Variants in PKD1L3 observed in about 807,000 individuals in gnomAD.
PKD1L3 encodes polycystin-1-like protein 3.
Under a neutral mutation model 184.1 loss-of-function variants are expected in PKD1L3, and 239 were observed. That is an observed-to-expected ratio of 1.30 (90% CI 1.17 to 1.45). The LOEUF is 1.45. Among genes scored for constraint, PKD1L3 ranks in the 40% most tolerant of loss-of-function variants. The pLI, the probability that PKD1L3 is intolerant of heterozygous loss-of-function variation, is 0.00. For missense variants in PKD1L3, 2,660 were observed against 2,067.2 expected (o/e 1.29, Z -5.56); for synonymous variants, 996 against 778.8 (o/e 1.28, Z -4.64).
At chr16:71,954,041 C>T in intron 17 of PKD1L3, 64 bp downstream of exon 17, 2 of 1,335,278 alleles carry the variant, frequency 1.5e-6, no homozygotes. Flanking sequence ...CAGAGCAAGA[C>T]CCTGTCTCAA....
rs2143889554 is a variant in PKD1L3, at chr16:71,995,250, G to T, written c.419-1918C>A. 1.4e-5 allele frequency among the ~76,000 whole-genome samples: 2 copies of T among 146,920 alleles called. 1 individual carries two copies. The highest frequency in any genetic ancestry group is 4.2e-4 in the South Asian group (2 of 4,746). ...GCCCCTAATCCCATTCACAAGGGAG[G>T]AGCCCTGTAGGCCAACCCACCTCTT... On this transcript the variant is annotated intron_variant, in intron 2 of 29. Transcript: ENST00000620267.
chr16:71,938,858 AC>A (rs2038268782), intron 24 of PKD1L3, among the ~76,000 whole-genome samples: 1 of 152,194 alleles, frequency 6.6e-6, no homozygotes, highest in Non-Finnish European at 1.5e-5. Context: ...TTGTCAGTGT[AC>A]CTCATTCTTC....
intron 6 of PKD1L3, 33 bp downstream of exon 6, chr16:71,984,003 T>C (rs1454020802): frequency 1.9e-6 from 3 of 1,549,450 alleles, no homozygotes; most frequent in African/African-American, 2.7e-5. Flanking sequence ...CCCTCTCTCC[T>C]ACCTTCTTCC....
rs766138456 is a variant in PKD1L3, at chr16:71,999,965, C to G, written c.14G>C (p.Gly5Ala). MFFK[G>A]GSWLWLYIRT... ...GATGTATAACCAAAGCCAGCTTCCT[C>G]CTTTGAAGAACATTTTCTCTGAATT... is the stretch of plus-strand genomic sequence containing the variant. Residue 5 changes from glycine (G) to alanine (A), a missense_variant, in exon 1 of 30, where the codon GGA (glycine) becomes GCA (alanine). Coordinates refer to ENST00000620267, the MANE Select transcript of PKD1L3 (RefSeq NM_181536.2). 6.6e-7 allele frequency: 1 copy of G among 1,520,478 alleles called. No homozygotes were observed. Among genetic ancestry groups the G allele is most frequent in the Non-Finnish European group, 8.9e-7 (1 of 1,126,238 alleles). The allele number at this position is 1,520,478 out of a possible 1,614,324, so 94.2% of individuals were successfully genotyped here. A position where few individuals can be genotyped will look rare whatever the true frequency, so the allele number is the denominator to read the frequency against.
chr16:71,975,808 C>A (rs1393841568), intron 11 of PKD1L3, among the ~76,000 whole-genome samples: 1 of 152,174 alleles, frequency 6.6e-6, no homozygotes, highest in Non-Finnish European at 1.5e-5. Flanking sequence ...TCAATACACA[C>A]ACATACAGAA....
chr16:71,997,536 G>C lies in PKD1L3; in HGVS notation c.418+736C>G, dbSNP rs374894513. 1.8e-4 allele frequency among the ~76,000 whole-genome samples: 28 copies of C among 152,136 alleles called. 1 individual carries two copies. Among genetic ancestry groups the C allele is most frequent in the Admixed American group, 1.0e-3 (16 of 15,276 alleles). ...GGCCAAGGCAGGCGGATCATCTGAG[G>C]TTGGGAGTTCGAGACTGGCCTGACC... On this transcript the variant is annotated intron_variant, in intron 2 of 29. Coordinates refer to ENST00000620267, the MANE Select transcript of PKD1L3 (RefSeq NM_181536.2).
chr16:71,930,206 T>TG (rs1489924213), intron 28 of PKD1L3, 23 bp from the exon 29 acceptor site: 1 of 1,524,824 alleles, frequency 6.6e-7, no homozygotes, highest in Admixed American at 2.3e-5. Flanking sequence ...TAAGAACACT[T>TG]GCAGTGACTG....
At chr16:71,930,229 A>ATACTT in intron 28 of PKD1L3, 46 bp from the exon 29 acceptor site, 3 of 1,497,536 alleles carry the variant, frequency 2.0e-6, no homozygotes, top group South Asian at 2.6e-5. Context: ...AATTTAGTTT[A>ATACTT]TACTTTACAA....
chr16:71,967,342 T>C (rs1403606946), intron 14 of PKD1L3, 27 bp from the exon 15 acceptor site: 12 of 1,531,072 alleles, frequency 7.8e-6, no homozygotes, highest in Non-Finnish European at 8.8e-6. Context: ...AAAGATAAAA[T>C]ATAAGGAATT....
chr16:71,930,064 T>C lies in PKD1L3; in HGVS notation c.5046A>G (p.Arg1682=), dbSNP rs570578939. 6.5e-7 allele frequency: 1 copy of C among 1,548,890 alleles called. No individual in the cohort carries two copies. The highest frequency in any genetic ancestry group is 8.7e-7 in the Non-Finnish European group (1 of 1,146,046). ...SAILMAFGKE[R]KSLKKEAALI... ...TTTAGTTACCTACCTTAAGCGACTT[T>C]CTTTCTTTTCCAAAGGCCATGAGAA... Residue 1682 remains arginine, a synonymous_variant, in exon 29 of 30, where the codon AGA becomes AGG. Transcript: ENST00000620267.
At chr16:71,945,135 A>G (rs1381092775) in intron 22 of PKD1L3, among the ~76,000 whole-genome samples, 1 of 148,656 alleles carries the variant, frequency 6.7e-6, no homozygotes, top group Non-Finnish European at 1.5e-5. Flanking sequence ...AAACTGTTCT[A>G]GTCAGTGGAT....
intron 21 of PKD1L3, among the ~76,000 whole-genome samples, chr16:71,948,282 C>T (rs2038696671): frequency 6.6e-6 from 1 of 152,126 alleles, no homozygotes; most frequent in Non-Finnish European, 1.5e-5. Context: ...ACGGTTTCGC[C>T]ATGTTGGCCA....
intron 4 of PKD1L3, 147 bp from the exon 5 acceptor site, chr16:71,986,616 A>C: frequency 1.1e-6 from 1 of 897,712 alleles, no homozygotes; most frequent in Non-Finnish European, 1.6e-6. Flanking sequence ...GCTCAAACAG[A>C]ATTTTGAAAT....
At chr16:71,976,851 T>G (rs936732686) in intron 11 of PKD1L3, among the ~76,000 whole-genome samples, 1 of 152,052 alleles carries the variant, frequency 6.6e-6, no homozygotes, top group African/African-American at 2.4e-5. Flanking sequence ...CAGGACATTT[T>G]CCTGCCTCAG....
chr16:71,944,608 A>T (rs1267029080), intron 22 of PKD1L3, among the ~76,000 whole-genome samples: 3 of 152,134 alleles, frequency 2.0e-5, no homozygotes, highest in Non-Finnish European at 4.4e-5. Flanking sequence ...GATTAAGCCC[A>T]GGAGTTTGAT....
At chr16:71,954,330 C>T in intron 16 of PKD1L3, 29 bp from the exon 17 acceptor site, 2 of 1,463,560 alleles carry the variant, frequency 1.4e-6, no homozygotes, top group South Asian at 1.4e-5. Flanking sequence ...AGAGGAAATA[C>T]ATGAGATTTT....
chr16:71,992,162 G>A (rs2143856855), intron 3 of PKD1L3, among the ~76,000 whole-genome samples: 1 of 152,254 alleles, frequency 6.6e-6, no homozygotes, highest in Admixed American at 6.5e-5. Context: ...AATGTCTGCT[G>A]AGGGGAGATC....
At chr16:71,976,198 T>C (rs1321143588) in intron 11 of PKD1L3, among the ~76,000 whole-genome samples, 1 of 150,454 alleles carries the variant, frequency 6.6e-6, no homozygotes, top group Non-Finnish European at 1.5e-5. Flanking sequence ...TCCACCTGCC[T>C]CTGCCTCCCA....
intron 7 of PKD1L3, among the ~76,000 whole-genome samples, chr16:71,980,970 A>T (rs1190935608): frequency 6.6e-6 from 1 of 152,208 alleles, no homozygotes; most frequent in Non-Finnish European, 1.5e-5. Flanking sequence ...CATATAAGTG[A>T]ATCACAACAT....
Sources: gnomAD v4.1 joint callset for allele counts (sites outside exome capture counted in the v4.1 genomes callset) on GRCh38, gnomAD v4.1.1 for gene constraint, MANE v1.5 for transcripts, NCBI Gene and HGNC (gene_info 2026-07-23, HGNC 2026-07-21) for gene names.